PLEKHD1: variants seen among roughly 807,000 people sequenced by gnomAD.
The protein encoded by PLEKHD1 is pleckstrin homology domain-containing family D member 1.
Under a neutral mutation model 69.2 loss-of-function variants are expected in PLEKHD1, and 51 were observed. The ratio of observed to expected loss-of-function variants is 0.74; its 90% CI spans 0.59 to 0.93. The LOEUF (loss-of-function observed/expected upper bound fraction) is 0.93. Among genes scored for constraint, PLEKHD1 ranks in the 40% least tolerant of loss-of-function variants. PLEKHD1 has a pLI of 0.00. For synonymous variants in PLEKHD1, 236 were observed against 244.7 expected, an observed-to-expected ratio of 0.96 and a Z score of 0.33; for missense variants, 584 against 641.0, an observed-to-expected ratio of 0.91 and a Z score of 0.96.
chr14:69,492,513 T>G (rs781463447), intron 1 of PLEKHD1, among the ~76,000 whole-genome samples: 41 of 152,376 alleles, frequency 2.7e-4, no homozygotes, highest in Non-Finnish European at 5.4e-4. Context: ...TGCAGAGTAC[T>G]TCCCTGGTAT....
At chr14:69,481,099 T>C (rs901851667), upstream of PLEKHD1, among the ~76,000 whole-genome samples, 1 of 152,144 alleles carries the variant, frequency 6.6e-6, no homozygotes, top group African/African-American at 2.4e-5. Context: ...GATAAAACAA[T>C]ATTATAAAAA....
At chr14:69,527,146 C>T (rs914482595) in intron 10 of PLEKHD1, 42 bp from the exon 11 acceptor site, 2 of 1,495,818 alleles carry the variant, frequency 1.3e-6, no homozygotes, top group Non-Finnish European at 1.8e-6. Flanking sequence ...CAGCTACTTC[C>T]AGGACCTGAC....
In PLEKHD1 at chr14:69,484,815, C is replaced by T. The variant is rs1594970464; in HGVS notation, c.-151C>T. The T allele has an allele frequency of 2.2e-6, 2 of 895,964 alleles. No individual in the cohort carries two copies. The highest frequency in any genetic ancestry group is 3.3e-6 in the Non-Finnish European group (2 of 609,724). 55.5% of individuals were successfully genotyped at this position (895,964 alleles called of 1,614,324 possible). A position where few individuals can be genotyped will look rare whatever the true frequency, so the allele number is the denominator to read the frequency against. On this transcript the variant is annotated 5_prime_UTR_variant, in exon 1 of 13. Transcript: ENST00000322564. The stretch of plus-strand genomic sequence containing the variant: ...CCTTGGTGCCGCGTCCAGTGCCCAG[C>T]GCGCTTTGATGCTGCAGCTCCGGGC...
At chr14:69,501,636 C>A in intron 4 of PLEKHD1, 98 bp from the exon 5 acceptor site, 1 of 934,450 alleles carries the variant, frequency 1.1e-6, no homozygotes, top group Non-Finnish European at 1.6e-6. Flanking sequence ...TGGGCGAGTA[C>A]AAAACGTATG....
In PLEKHD1 at chr14:69,526,768, C is replaced by A; in HGVS notation, c.995C>A (p.Ala332Glu). 1 of 1,550,604 alleles carries A rather than the reference C, an allele frequency of 6.4e-7. No homozygotes were observed. Among genetic ancestry groups the A allele is most frequent in the East Asian group, 2.4e-5 (1 of 40,880 alleles). The change falls in exon 10 of 13, where the codon GCA (alanine) becomes GAA (glutamate). Residue 332 changes from alanine to glutamate, a missense_variant. Physicochemically the swap from Ala to Glu is moderately radical, Grantham distance 107 (BLOSUM62 -1). Transcript: ENST00000322564. ...GAGTTCTACTCCAGCCAGTCCCAGG[C>A]ACTGCAGAACTCGCTGCAGGAGCTG... ...EREFYSSQSQ[A>E]LQNSLQELTA...
chr14:69,526,221 C>G, intron 9 of PLEKHD1, 99 bp downstream of exon 9: 1 of 1,258,268 alleles, frequency 7.9e-7, no homozygotes, highest in Non-Finnish European at 1.1e-6. Context: ...TTGGCACTGA[C>G]CAAGTAGGAC....
At chr14:69,487,156 C>T (rs1359665944) in intron 1 of PLEKHD1, among the ~76,000 whole-genome samples, 1 of 151,212 alleles carries the variant, frequency 6.6e-6, no homozygotes, top group Non-Finnish European at 1.5e-5. Context: ...TTCTAGGCCT[C>T]TGTGTTCTCA....
At position 69,527,790 on chromosome 14, in the gene PLEKHD1, T is replaced by C. The variant is rs1312302228; in HGVS notation, c.1209T>C (p.Phe403=). The C allele has an allele frequency of 1.3e-6, 2 of 1,551,474 alleles. No individual in the cohort carries two copies. The highest frequency in any genetic ancestry group is 4.9e-5 in the East Asian group (2 of 40,916). The part of the protein sequence containing the change: ...RADVSHLKRF[F]EECIRNAELE... ...CTGGCCCTGCCGCCACAGGGTTCTT[T>C]GAGGAGTGCATCCGGAATGCCGAGC... Residue 403 remains phenylalanine (F), a synonymous_variant, in exon 12 of 13, where the codon TTT becomes TTC. Transcript: ENST00000322564.
chr14:69,527,177 C>T lies in PLEKHD1; in HGVS notation c.1057-11C>T, dbSNP rs1443969487. 1 of 1,529,478 alleles carries T rather than the reference C, an allele frequency of 6.5e-7. No homozygotes were observed. Among genetic ancestry groups the T allele is most frequent in the East Asian group, 2.4e-5 (1 of 40,836 alleles). The allele number at this position is 1,529,478 out of a possible 1,614,324, so 94.7% of individuals were successfully genotyped here. On this transcript the variant is annotated splice_polypyrimidine_tract_variant and intron_variant, in intron 10 of 12. Transcript: ENST00000322564. Reference sequence around the variant, plus strand: ...CTGACTTCCTTCTCATTTCCCTCTCCTCAACCTCAGGCTGAGGTGAAGGTC... The same window carrying T: ...CTGACTTCCTTCTCATTTCCCTCTCTTCAACCTCAGGCTGAGGTGAAGGTC...
At chr14:69,489,571 A>G (rs1286301609) in intron 1 of PLEKHD1, among the ~76,000 whole-genome samples, 56 of 149,928 alleles carry the variant, frequency 3.7e-4, no homozygotes, top group African/African-American at 1.1e-3. Flanking sequence ...AAAAAAAAAA[A>G]AAAAAAAAAA....
rs1883011592 is a variant in PLEKHD1 at position 69,500,946 on chromosome 14, G to T, written c.409G>T (p.Val137Leu). The change falls in exon 4 of 13, where the codon GTG becomes TTG. Residue 137 changes from valine (V) to leucine (L), a missense_variant and splice_region_variant. By Grantham distance (32) the Val-to-Leu change is conservative. Coordinates refer to ENST00000322564, the MANE Select transcript of PLEKHD1 (RefSeq NM_001161498.2). ...GGAGATGCTGCAGGAGTCTGGGAAG[G>T]TGTAAGTGCTCACAGCCAGGAGGGC... Reference protein sequence around the residue: ...WLEMLQESGKVTWKNAQLGEA... With the variant: ...WLEMLQESGKLTWKNAQLGEA... The T allele has an allele frequency of 6.4e-7, 1 of 1,551,506 alleles. No homozygotes were observed. Among genetic ancestry groups the T allele is most frequent in the Admixed American group, 2.0e-5 (1 of 51,006 alleles).
chr14:69,527,136 C>T (rs1883670858), intron 10 of PLEKHD1, 52 bp from the exon 11 acceptor site: 3 of 1,482,196 alleles, frequency 2.0e-6, no homozygotes, highest in Admixed American at 5.0e-5. Flanking sequence ...GGGAAGATGG[C>T]AGCTACTTCC....
chr14:69,491,376 G>T (rs972905371), intron 1 of PLEKHD1, among the ~76,000 whole-genome samples: 1 of 152,098 alleles, frequency 6.6e-6, no homozygotes, highest in Non-Finnish European at 1.5e-5. Context: ...ACCCCACCTC[G>T]CTGTCACCAG....
chr14:69,528,623 C>G lies in PLEKHD1; in HGVS notation c.*204C>G, dbSNP rs1350230861. On this transcript the variant is annotated 3_prime_UTR_variant, in exon 13 of 13. Transcript: ENST00000322564. ...TCCTCATCCTCACCCCACACCCCAC[C>G]TTTGGGTCCACACCAGGGCCATGCA... 5.7e-6 allele frequency: 4 copies of G among 699,696 alleles called. No individual in the cohort carries two copies. Among genetic ancestry groups the G allele is most frequent in the Non-Finnish European group, 7.0e-6 (3 of 430,836 alleles). 43.3% of individuals were successfully genotyped at this position (699,696 alleles called of 1,614,324 possible).
the PLEKHD1 span, among the ~76,000 whole-genome samples, chr14:69,473,386 G>A: frequency 4.0e-5 from 6 of 151,306 alleles, no homozygotes. Context: ...CTGATCCCTG[G>A]CAGGACCAGC....
Position 69,527,900 on chromosome 14 carries a change from AC to A in PLEKHD1, c.1321del (p.Arg441AspfsTer11). 1 of 1,551,532 alleles carries A rather than the reference AC, an allele frequency of 6.4e-7. No individual in the cohort carries two copies. Among genetic ancestry groups the A allele is most frequent in the Non-Finnish European group, 8.7e-7 (1 of 1,146,990 alleles). Reference sequence around the variant, plus strand: ...CGCCGCATCAAGAGCTGCCGCTTCCACCGACGCCGGTCCAGCACCTCCTGGA... The same window carrying A: ...CGCCGCATCAAGAGCTGCCGCTTCCACGACGCCGGTCCAGCACCTCCTGGA... The part of the protein sequence containing the change: ...ATRRIKSCRF[H>X]RRRSSTSWND... On this transcript the variant is annotated frameshift_variant, in exon 12 of 13. Transcript: ENST00000322564. LOFTEE classifies it high-confidence loss of function.
chr14:69,522,439 C>T, intron 7 of PLEKHD1, 62 bp downstream of exon 7: 2 of 1,508,932 alleles, frequency 1.3e-6, no homozygotes, highest in Non-Finnish European at 1.8e-6. Flanking sequence ...GCCCACCTTC[C>T]CCGTCAGATC....
At chr14:69,497,212 T>C (rs1018816348) in intron 1 of PLEKHD1, among the ~76,000 whole-genome samples, 1 of 152,246 alleles carries the variant, frequency 6.6e-6, no homozygotes, top group African/African-American at 2.4e-5. Flanking sequence ...ATCCCCATTC[T>C]ATCGATAGAG....
At chr14:69,479,608 G>T in the PLEKHD1 span, among the ~76,000 whole-genome samples, 1 of 151,958 alleles carries the variant, frequency 6.6e-6, no homozygotes, top group Admixed American at 6.6e-5. Context: ...GGAGTTAGAG[G>T]CCAGCCTGGG....
Sources: gnomAD v4.1 joint callset for allele counts (sites outside exome capture counted in the v4.1 genomes callset) on GRCh38, gnomAD v4.1.1 for gene constraint, MANE v1.5 for transcripts, NCBI Gene and HGNC (gene_info 2026-07-23, HGNC 2026-07-21) for gene names.